Variants in SSR1 observed in about 807,000 individuals in gnomAD.
The protein encoded by SSR1 is translocon-associated protein subunit alpha.
Under a neutral mutation model 36.1 loss-of-function variants are expected in SSR1, and 13 were observed. That is an observed-to-expected ratio of 0.36 (90% CI 0.23 to 0.57). The LOEUF (loss-of-function observed/expected upper bound fraction) is 0.57, where lower values mean the gene tolerates loss of function less well. Ranked by LOEUF, SSR1 falls within the 20% of genes least tolerant of loss-of-function variation. The pLI, the probability that SSR1 is intolerant of heterozygous loss-of-function variation, is 0.81. For missense variants in SSR1, 291 were observed against 338.5 expected, an observed-to-expected ratio of 0.86 and a Z score of 1.10; for synonymous variants, 113 against 118.9, an observed-to-expected ratio of 0.95 and a Z score of 0.32.
At chr6:7,302,633 G>C (rs1056503324) in intron 3 of SSR1, among the ~76,000 whole-genome samples, 5 of 151,830 alleles carry the variant, frequency 3.3e-5, no homozygotes, top group African/African-American at 9.7e-5. Context: ...GTGATGGAGC[G>C]TGCCTGTAGT....
At chr6:7,296,376 A>G (rs1757794634) in intron 6 of SSR1, among the ~76,000 whole-genome samples, 1 of 152,236 alleles carries the variant, frequency 6.6e-6, no homozygotes, top group Non-Finnish European at 1.5e-5. Flanking sequence ...TTTACAGCAA[A>G]AATTCCAACC....
intron 7 of SSR1, among the ~76,000 whole-genome samples, chr6:7,292,307 G>C (rs1449846178): frequency 6.6e-6 from 1 of 152,002 alleles, no homozygotes; most frequent in Admixed American, 6.6e-5. Context: ...AATGGGATCA[G>C]CTTTCACCCA....
At chr6:7,298,051 C>G (rs751898416) in intron 5 of SSR1, 50 bp from the exon 6 acceptor site, 2 of 1,370,364 alleles carry the variant, frequency 1.5e-6, no homozygotes, top group Admixed American at 1.8e-5. Context: ...GAGGAAATAC[C>G]ACGTCTAATT....
intron 2 of SSR1, among the ~76,000 whole-genome samples, chr6:7,306,238 G>A (rs886782378): frequency 2.6e-5 from 4 of 152,130 alleles, no homozygotes; most frequent in Non-Finnish European, 5.9e-5. Context: ...TGCCTCCCAG[G>A]TTCACGCCAT....
intron 4 of SSR1, among the ~76,000 whole-genome samples, chr6:7,299,151 A>C (rs1757870312): frequency 6.6e-6 from 1 of 152,206 alleles, no homozygotes; most frequent in Non-Finnish European, 1.5e-5. Flanking sequence ...CTTTAAAAAA[A>C]GTCACCGACT....
Position 7,282,672 on chromosome 6 carries a change from G to A in SSR1, c.*7192C>T, listed in dbSNP as rs1352437338. The A allele has an allele frequency of 6.6e-6, 1 of 152,240 alleles. No individual in the cohort carries two copies. Among genetic ancestry groups the A allele is most frequent in the Non-Finnish European group, 1.5e-5 (1 of 68,058 alleles). The allele number at this position is 152,240 out of a possible 1,614,324, so 9.4% of individuals were successfully genotyped here. ...AAACCAGATGTGTGCTAGCTGGGTG[G>A]ACTTCAAGTAAGGAGTCAAGACAAA... On this transcript the variant is annotated 3_prime_UTR_variant, in exon 8 of 8. Coordinates refer to ENST00000244763, the MANE Select transcript of SSR1 (RefSeq NM_003144.5).
Position 7,287,159 on chromosome 6 carries a change from A to AT in SSR1, c.*2704dup, listed in dbSNP as rs1757573627. On this transcript the variant is annotated 3_prime_UTR_variant, in exon 8 of 8. Transcript: ENST00000244763. ...TGAATGCTATATATGAGGCTCGCCT[A>AT]TTACTATATTGATCTACTGTACCTC... The AT allele has an allele frequency of 6.6e-6, 1 of 152,092 alleles. No homozygotes were observed. The highest frequency in any genetic ancestry group is 1.5e-5 in the Non-Finnish European group (1 of 68,030). The allele number at this position is 152,092 out of a possible 1,614,324, so 9.4% of individuals were successfully genotyped here. A position where few individuals can be genotyped will look rare whatever the true frequency, so the allele number is the denominator to read the frequency against.
At chr6:7,298,456 T>C (rs1448660482) in intron 5 of SSR1, 1 of 332,576 alleles carries the variant, frequency 3.0e-6, no homozygotes, top group Non-Finnish European at 5.4e-6. Context: ...AGACTTAGTT[T>C]AGGCTGGTGA....
chr6:7,297,836 C>G (rs1053435238), intron 6 of SSR1, 87 bp downstream of exon 6: 1 of 928,344 alleles, frequency 1.1e-6, no homozygotes, highest in African/African-American at 1.7e-5. Context: ...CCCACAGTGA[C>G]AGTATGAGGC....
chr6:7,293,656 C>T (rs906687887), intron 7 of SSR1, among the ~76,000 whole-genome samples: 2 of 152,182 alleles, frequency 1.3e-5, no homozygotes, highest in Admixed American at 6.5e-5. Context: ...TCAGGCGATC[C>T]TCCTGCCTCA....
At chr6:7,298,093 T>G in intron 5 of SSR1, 92 bp from the exon 6 acceptor site, 1 of 940,646 alleles carries the variant, frequency 1.1e-6, no homozygotes, top group Non-Finnish European at 1.6e-6. Context: ...AATAGAAGCT[T>G]TCCAAATAAC....
intron 4 of SSR1, among the ~76,000 whole-genome samples, 182 bp downstream of exon 4, chr6:7,301,126 CAT>C (rs1757923483): frequency 6.6e-6 from 1 of 152,152 alleles, no homozygotes; most frequent in African/African-American, 2.4e-5. Flanking sequence ...TGCCTGTTTT[CAT>C]ATGCCTCCCC....
chr6:7,282,847 A>G lies in SSR1; in HGVS notation c.*7017T>C, dbSNP rs973625602. ...ATTATGTTTTAGCCAGAAAAAGGCA[A>G]CTTGATTATGAACTGGATGACATAT... On this transcript the variant is annotated 3_prime_UTR_variant, in exon 8 of 8. Transcript: ENST00000244763. The G allele has an allele frequency of 6.6e-6, 1 of 152,242 alleles. No homozygotes were observed. The highest frequency in any genetic ancestry group is 1.5e-5 in the Non-Finnish European group (1 of 68,046). The allele number at this position is 152,242 out of a possible 1,614,324, so 9.4% of individuals were successfully genotyped here.
chr6:7,298,891 C>T (rs1757862338), intron 4 of SSR1, 68 bp from the exon 5 acceptor site: 1 of 1,267,354 alleles, frequency 7.9e-7, no homozygotes, highest in African/African-American at 1.5e-5. Context: ...TGTAACATTA[C>T]TTAAAACAGT....
At position 7,303,566 on chromosome 6, in the gene SSR1, C is replaced by G; in HGVS notation, c.264G>C (p.Leu88=). 1.2e-6 allele frequency: 2 copies of G among 1,610,148 alleles called. No individual in the cohort carries two copies. Among genetic ancestry groups the G allele is most frequent in the South Asian group, 2.2e-5 (2 of 90,560 alleles). Residue 88 remains leucine, a synonymous_variant, in exon 3 of 8, where the codon CTG becomes CTC. Coordinates refer to ENST00000244763, the MANE Select transcript of SSR1 (RefSeq NM_003144.5). The part of the protein sequence containing the change: ...EASPSADTTI[L]FVKGEDFPAN... ...CTGTATTACCTTCTCCTTTTACAAA[C>G]AGTATAGTTGTATCTGCACTCGGTG...
At position 7,288,389 on chromosome 6, in the gene SSR1, C is replaced by T. The variant is rs1478725433; in HGVS notation, c.*1475G>A. On this transcript the variant is annotated 3_prime_UTR_variant, in exon 8 of 8. Coordinates refer to ENST00000244763, the MANE Select transcript of SSR1 (RefSeq NM_003144.5). ...TGCCAATATAGGTAATTTGATAGCC[C>T]CTATTTGCAAAGTGATTAACAATTA... The T allele has an allele frequency of 6.6e-6, 1 of 152,086 alleles. No homozygotes were observed. The highest frequency in any genetic ancestry group is 1.5e-5 in the Non-Finnish European group (1 of 68,016). The allele number at this position is 152,086 out of a possible 1,614,324, so 9.4% of individuals were successfully genotyped here. A position where few individuals can be genotyped will look rare whatever the true frequency, so the allele number is the denominator to read the frequency against.
intron 7 of SSR1, among the ~76,000 whole-genome samples, chr6:7,293,186 T>C (rs75385982): frequency 6.6e-6 from 1 of 150,626 alleles, no homozygotes; most frequent in African/African-American, 2.5e-5. Flanking sequence ...TTTTTTTTTT[T>C]AATAGATTTT....
At chr6:7,304,553 T>C (rs766710563) in intron 2 of SSR1, among the ~76,000 whole-genome samples, 3 of 152,202 alleles carry the variant, frequency 2.0e-5, no homozygotes, top group East Asian at 1.9e-4. Context: ...CCTGGGTTGA[T>C]AGAAACGTCC....
chr6:7,292,280 CT>C, intron 7 of SSR1, among the ~76,000 whole-genome samples: 1 of 152,178 alleles, frequency 6.6e-6, no homozygotes, highest in Non-Finnish European at 1.5e-5. Context: ...CTTCTCTTTC[CT>C]AGATTATGGG....
Sources: gnomAD v4.1 joint callset for allele counts (sites outside exome capture counted in the v4.1 genomes callset) on GRCh38, gnomAD v4.1.1 for gene constraint, MANE v1.5 for transcripts, NCBI Gene and HGNC (gene_info 2026-07-23, HGNC 2026-07-21) for gene names.